Variants in FARP2 observed in about 807,000 individuals in gnomAD.
FARP2 encodes FERM, ARH/RhoGEF and pleckstrin domain protein 2.
A neutral mutation model predicts 130.5 loss-of-function variants in FARP2; 111 were observed. The observed-to-expected ratio is 0.85, with a 90% CI of 0.73 to 1.00. The LOEUF is 1.00. Ranked by LOEUF, FARP2 falls within the 50% of genes least tolerant of loss-of-function variation. The pLI is 0.00. For missense variants in FARP2, 1,385 were observed against 1,346.3 expected (o/e 1.03, Z -0.45); for synonymous variants, 504 against 516.9 (o/e 0.98, Z 0.34).
intron 18 of FARP2, among the ~76,000 whole-genome samples, chr2:241,468,807 C>T (rs1279630980): frequency 6.6e-6 from 1 of 152,242 alleles, no homozygotes; most frequent in Non-Finnish European, 1.5e-5. Flanking sequence ...CTAAAACGTA[C>T]AAAAGATTGG....
intron 7 of FARP2, among the ~76,000 whole-genome samples, chr2:241,416,107 T>C (rs948586955): frequency 7.1e-6 from 1 of 141,074 alleles, no homozygotes; most frequent in African/African-American, 2.5e-5. Context: ...TATGCATGCA[T>C]TGTGTGTGTT....
chr2:241,381,006 A>AC (rs1278628944), intron 2 of FARP2, among the ~76,000 whole-genome samples: 1 of 151,356 alleles, frequency 6.6e-6, no homozygotes, highest in Non-Finnish European at 1.5e-5. Flanking sequence ...CTCAGCCCTT[A>AC]CCCCCCTGAT....
At chr2:241,481,353 C>T (rs1050608199) in intron 19 of FARP2, among the ~76,000 whole-genome samples, 1 of 152,246 alleles carries the variant, frequency 6.6e-6, no homozygotes, top group African/African-American at 2.4e-5. Context: ...ACTCAATACT[C>T]TCAACATAAA....
At chr2:241,477,567 G>C (rs1022070965) in intron 19 of FARP2, among the ~76,000 whole-genome samples, 1 of 152,168 alleles carries the variant, frequency 6.6e-6, no homozygotes, top group Non-Finnish European at 1.5e-5. Flanking sequence ...TACAAGTTTT[G>C]TGTGGACTTA....
intron 19 of FARP2, chr2:241,479,030 C>G: frequency 3.7e-6 from 2 of 537,720 alleles, no homozygotes; most frequent in Non-Finnish European, 6.8e-6. Flanking sequence ...ATGATTTACT[C>G]TTTCCCAAGA....
chr2:241,484,238 T>C lies in FARP2; in HGVS notation c.2332-4T>C. ...TCATGGATGTAAAGCTTGCTGCTTCTCAGTTCTCAGATATGTTGCTGTACA... is the reference window on the plus strand; with the variant it reads ...TCATGGATGTAAAGCTTGCTGCTTCCCAGTTCTCAGATATGTTGCTGTACA... On this transcript the variant is annotated splice_region_variant and splice_polypyrimidine_tract_variant and intron_variant, in intron 20 of 26. Transcript: ENST00000264042. The C allele has an allele frequency of 6.2e-7, 1 of 1,614,076 alleles. No individual in the cohort carries two copies. The highest frequency in any genetic ancestry group is 1.1e-5 in the South Asian group (1 of 91,074).
intron 8 of FARP2, among the ~76,000 whole-genome samples, chr2:241,425,586 A>G (rs1384956308): frequency 6.7e-6 from 1 of 150,110 alleles, no homozygotes; most frequent in African/African-American, 2.4e-5. Context: ...GAATCCCTGA[A>G]TAGACTAGAA....
chr2:241,370,073 G>T (rs1283542104), intron 1 of FARP2, among the ~76,000 whole-genome samples: 4 of 152,200 alleles, frequency 2.6e-5, no homozygotes, highest in Non-Finnish European at 4.4e-5. Context: ...TTAATTAATG[G>T]GTACAAAAAT....
chr2:241,367,904 A>T lies in FARP2; in HGVS notation c.-24-5180A>T, dbSNP rs568013958. On this transcript the variant is annotated intron_variant, in intron 1 of 26. Transcript: ENST00000264042. ...TTTTTTTTAATAGATTTTATTTTTT[A>T]GAGCAGTTTTAGGTTAATAGCAAAA... Among the ~76,000 whole-genome samples, 3 of 150,840 alleles carry T rather than the reference A, an allele frequency of 2.0e-5. No homozygotes were observed. In the East Asian group the frequency reaches 5.8e-4, roughly 29 times the overall value.
intron 1 of FARP2, among the ~76,000 whole-genome samples, chr2:241,357,191 G>T (rs2061088093): frequency 6.6e-6 from 1 of 152,204 alleles, no homozygotes; most frequent in Non-Finnish European, 1.5e-5. Context: ...TAAAACCCAA[G>T]GCCAAATCTT....
In FARP2 at chr2:241,459,819, C is replaced by T. The variant is rs1171021588; in HGVS notation, c.1588-2704C>T. On this transcript the variant is annotated intron_variant, in intron 14 of 26. Coordinates refer to ENST00000264042, the MANE Select transcript of FARP2 (RefSeq NM_014808.4). This position sits in a 1 kb window ranked among gnomAD's most constrained non-coding sequence, Gnocchi z 5.3. ...CACGGTATTCCTTGGGCTGATTGGGCGGGGCGGGGCGGGGGCAGGGGCGGG... is the reference window on the plus strand; with the variant it reads ...CACGGTATTCCTTGGGCTGATTGGGTGGGGCGGGGCGGGGGCAGGGGCGGG... 8.6e-4 allele frequency among the ~76,000 whole-genome samples: 16 copies of T among 18,700 alleles called. No individual in the cohort carries two copies. Among genetic ancestry groups the T allele is most frequent in the South Asian group, 1.5e-3 (1 of 662 alleles). The allele number at this position is 18,700 out of a possible 152,430, so 12.3% of individuals were successfully genotyped here.
intron 13 of FARP2, among the ~76,000 whole-genome samples, chr2:241,454,537 A>G (rs984293656): frequency 1.3e-5 from 2 of 152,246 alleles, no homozygotes; most frequent in Non-Finnish European, 2.9e-5. Context: ...AACCCCAAAC[A>G]GCGCATCTTC....
At position 241,482,196 on chromosome 2, in the gene FARP2, T is replaced by A. The variant is rs2064632393; in HGVS notation, c.2263-1269T>A. Among the ~76,000 whole-genome samples the A allele has an allele frequency of 6.6e-6, 1 of 152,210 alleles. No homozygotes were observed. ...TGGCAGAACTGTGAGCCACAGTTAC[T>A]ACCCTAGGGCTGGGGAACAAATTTG... is the stretch of plus-strand genomic sequence containing the variant. On this transcript the variant is annotated intron_variant, in intron 19 of 26. Transcript: ENST00000264042. The surrounding 1 kb of genome is among the most constrained non-coding windows in gnomAD (Gnocchi z 4.6).
chr2:241,418,154 T>C (rs987744915), intron 8 of FARP2, 45 bp downstream of exon 8: 1 of 1,605,340 alleles, frequency 6.2e-7, no homozygotes, highest in Middle Eastern at 1.7e-4. Context: ...GCAGGGGAGG[T>C]TTTCTGCAAC....
At chr2:241,365,972 C>T (rs1432182444) in intron 1 of FARP2, among the ~76,000 whole-genome samples, 1 of 146,134 alleles carries the variant, frequency 6.8e-6, no homozygotes, top group Non-Finnish European at 1.5e-5. Context: ...TTGGTTTATG[C>T]TCTTTTTTTT....
At chr2:241,424,961 A>C (rs1474291246) in intron 8 of FARP2, among the ~76,000 whole-genome samples, 1 of 152,146 alleles carries the variant, frequency 6.6e-6, no homozygotes, top group Non-Finnish European at 1.5e-5. Flanking sequence ...GAATCCCAGC[A>C]CTTTCGGAGG....
chr2:241,457,275 CCCGT>C (rs374929797), intron 14 of FARP2, among the ~76,000 whole-genome samples: 1,729 of 150,138 alleles, frequency 0.012, 26 homozygotes, highest in African/African-American at 0.039. Context: ...ATTTCTCCCT[CCCGT>C]CCTCCCTCCT....
chr2:241,430,537 C>T (rs777278844), intron 8 of FARP2, among the ~76,000 whole-genome samples: 9 of 152,146 alleles, frequency 5.9e-5, no homozygotes, highest in Non-Finnish European at 1.2e-4. Context: ...TCCCATCATT[C>T]GCTCCTGTTA....
intron 11 of FARP2, among the ~76,000 whole-genome samples, chr2:241,436,102 C>T (rs553652322): frequency 8.7e-5 from 13 of 149,570 alleles, no homozygotes; most frequent in South Asian, 4.3e-4. Context: ...TTAATAGAGA[C>T]GGGGTTTCAT....
Sources: gnomAD v4.1 joint callset for allele counts (sites outside exome capture counted in the v4.1 genomes callset) on GRCh38, gnomAD v4.1.1 for gene constraint, Gnocchi (gnomAD v3.1) non-coding constraint, MANE v1.5 for transcripts, NCBI Gene and HGNC (gene_info 2026-07-23, HGNC 2026-07-21) for gene names.